PGGT1B: variants seen among roughly 807,000 people sequenced by gnomAD.
PGGT1B encodes the protein protein geranylgeranyltransferase type I subunit beta.
In PGGT1B, 30 loss-of-function variants were observed where a neutral mutation model predicts 46.1. The observed-to-expected ratio is 0.65, with a 90% CI of 0.49 to 0.88. The LOEUF (loss-of-function observed/expected upper bound fraction) is 0.88. PGGT1B is among the 40% of genes least tolerant of loss of function. PGGT1B has a pLI of 0.00. For synonymous variants in PGGT1B, 170 were observed against 160.0 expected, an observed-to-expected ratio of 1.06 and a Z score of -0.47; for missense variants, 376 against 455.9, an observed-to-expected ratio of 0.82 and a Z score of 1.60.
chr5:115,228,611 T>C (rs772308488), intron 6 of PGGT1B, among the ~76,000 whole-genome samples: 1 of 151,936 alleles, frequency 6.6e-6, no homozygotes, highest in Admixed American at 6.6e-5. Context: ...TGGAGGATGA[T>C]GGAGGAAGAT....
chr5:115,220,213 G>C (rs1189713145), intron 7 of PGGT1B, among the ~76,000 whole-genome samples: 2 of 151,800 alleles, frequency 1.3e-5, no homozygotes, highest in East Asian at 3.9e-4. Context: ...ACTATCAACA[G>C]ATAAATGAAG....
intron 2 of PGGT1B, among the ~76,000 whole-genome samples, chr5:115,252,238 T>TA (rs1370254099): frequency 1.3e-5 from 2 of 152,200 alleles, no homozygotes; most frequent in East Asian, 3.9e-4. Context: ...AATCATTTTT[T>TA]AATAAGACTT....
intron 2 of PGGT1B, among the ~76,000 whole-genome samples, chr5:115,243,359 T>C (rs1384096720): frequency 1.3e-5 from 2 of 152,212 alleles, no homozygotes; most frequent in East Asian, 1.9e-4. Flanking sequence ...AGAAACGCTA[T>C]ATTCCTATTA....
At chr5:115,230,836 A>C in intron 6 of PGGT1B, 140 bp downstream of exon 6, 2 of 623,064 alleles carry the variant, frequency 3.2e-6, no homozygotes, top group South Asian at 3.8e-5. Context: ...GTCAAAAGAG[A>C]ATCAGGAAAG....
intron 7 of PGGT1B, among the ~76,000 whole-genome samples, chr5:115,220,616 T>C (rs1756559309): frequency 6.6e-6 from 1 of 151,954 alleles, no homozygotes; most frequent in African/African-American, 2.4e-5. Context: ...ATGTATATTT[T>C]CAACTGTGGA....
At chr5:115,255,989 C>A (rs1748293976) in intron 1 of PGGT1B, among the ~76,000 whole-genome samples, 1 of 152,158 alleles carries the variant, frequency 6.6e-6, no homozygotes, top group Non-Finnish European at 1.5e-5. Flanking sequence ...TCCTACTTCA[C>A]AATCAAATCT....
At chr5:115,233,165 A>G (rs559464205) in intron 5 of PGGT1B, among the ~76,000 whole-genome samples, 62 of 152,134 alleles carry the variant, frequency 4.1e-4, no homozygotes, top group African/African-American at 1.5e-3. Flanking sequence ...TCTACTCCCA[A>G]GAAATAGGCA....
chr5:115,220,845 A>C (rs1216971361), intron 7 of PGGT1B, among the ~76,000 whole-genome samples: 1 of 151,966 alleles, frequency 6.6e-6, no homozygotes, highest in Non-Finnish European at 1.5e-5. Context: ...GAATATAAAA[A>C]ATGATATATG....
At chr5:115,236,188 A>G (rs1170152460) in intron 5 of PGGT1B, among the ~76,000 whole-genome samples, 2 of 152,140 alleles carry the variant, frequency 1.3e-5, no homozygotes. Flanking sequence ...AAATAAAATC[A>G]TATTAAATTT....
In PGGT1B at chr5:115,212,538, T is replaced by G; in HGVS notation, c.998A>C (p.Glu333Ala). ...ATGAACTTTACAAATTCCACTTTCC[T>G]CCATTAGTGACAGGCCACAGATCCC... ...YFGICGLSLM[E>A]ESGICKVHPA... The change falls in exon 9 of 9, where the codon GAG (glutamate) becomes GCG (alanine). Residue 333 changes from glutamate (E) to alanine (A), a missense_variant. Physicochemically the swap from Glu to Ala is moderately radical, Grantham distance 107 (BLOSUM62 -1). Around this residue, in one of 2 missense-constraint regions of PGGT1B, gnomAD observed 222 missense variants for 313.6 expected, o/e 0.71. Transcript: ENST00000419445. 2 of 1,613,408 alleles carry G rather than the reference T, an allele frequency of 1.2e-6. No homozygotes were observed. The highest frequency in any genetic ancestry group is 1.7e-6 in the Non-Finnish European group (2 of 1,179,654).
intron 2 of PGGT1B, among the ~76,000 whole-genome samples, chr5:115,249,896 A>G (rs935118432): frequency 1.3e-5 from 2 of 152,068 alleles, no homozygotes; most frequent in African/African-American, 2.4e-5. Context: ...ATTTTGTAAC[A>G]TTGTTTTGAC....
intron 7 of PGGT1B, among the ~76,000 whole-genome samples, chr5:115,217,718 T>C (rs1460006208): frequency 6.6e-6 from 1 of 151,910 alleles, no homozygotes; most frequent in Non-Finnish European, 1.5e-5. Flanking sequence ...GCATTATTTC[T>C]CAAAAAGAAA....
chr5:115,236,500 T>C lies in PGGT1B; in HGVS notation c.502A>G (p.Ser168Gly), dbSNP rs764772110. 1 of 1,564,634 alleles carries C rather than the reference T, an allele frequency of 6.4e-7. No homozygotes were observed. The highest frequency in any genetic ancestry group is 8.6e-7 in the Non-Finnish European group (1 of 1,160,378). ...TACACAAATCGCATGTCATTTTCACTGCCTTCAGGTACTGCACAAAAACTG... is the reference window on the plus strand; with the variant it reads ...TACACAAATCGCATGTCATTTTCACCGCCTTCAGGTACTGCACAAAAACTG... ...DGSFCAVPEG[S>G]ENDMRFVYCA... Residue 168 changes from serine (S) to glycine (G), a missense_variant, in exon 5 of 9, where the codon AGT becomes GGT. This residue lies in a region of PGGT1B where 222 missense variants were observed against 313.6 expected (regional missense o/e 0.71). Transcript: ENST00000419445.
At chr5:115,235,825 A>G (rs1287378579) in intron 5 of PGGT1B, among the ~76,000 whole-genome samples, 2 of 152,144 alleles carry the variant, frequency 1.3e-5, no homozygotes, top group African/African-American at 4.8e-5. Context: ...TTGCCTATGA[A>G]AAGTTGAATT....
At chr5:115,227,185 G>C (rs1756816211) in intron 6 of PGGT1B, among the ~76,000 whole-genome samples, 1 of 152,068 alleles carries the variant, frequency 6.6e-6, no homozygotes, top group Non-Finnish European at 1.5e-5. Flanking sequence ...TTTTAAAGTG[G>C]GTTATGACAC....
At chr5:115,212,955 A>T (rs1756281717) in intron 8 of PGGT1B, among the ~76,000 whole-genome samples, 1 of 152,156 alleles carries the variant, frequency 6.6e-6, no homozygotes, top group African/African-American at 2.4e-5. Context: ...GAGTAGCTTC[A>T]ATGCTATATC....
At chr5:115,257,932 T>C (rs548127514) in intron 1 of PGGT1B, among the ~76,000 whole-genome samples, 2 of 152,230 alleles carry the variant, frequency 1.3e-5, no homozygotes, top group East Asian at 1.9e-4. Flanking sequence ...GCTGCCATAA[T>C]ACTTCGAAAC....
chr5:115,205,514 T>A lies in PGGT1B; in HGVS notation c.*6888A>T, dbSNP rs1372641431. The A allele has an allele frequency of 6.6e-6, 1 of 152,152 alleles. No individual in the cohort carries two copies. Among genetic ancestry groups the A allele is most frequent in the Non-Finnish European group, 1.5e-5 (1 of 67,994 alleles). The allele number at this position is 152,152 out of a possible 1,614,324, so 9.4% of individuals were successfully genotyped here. The stretch of plus-strand genomic sequence containing the variant: ...TTAAAAAAATGTGGCATAAAAAGAA[T>A]GTTATTTCTGGAGACAGAAAACATG... On this transcript the variant is annotated 3_prime_UTR_variant, in exon 9 of 9. Coordinates refer to ENST00000419445, the MANE Select transcript of PGGT1B (RefSeq NM_005023.4).
intron 2 of PGGT1B, among the ~76,000 whole-genome samples, chr5:115,248,213 T>C (rs73255494): frequency 0.013 from 2,034 of 152,262 alleles, 48 homozygotes; most frequent in African/African-American, 0.046. Flanking sequence ...TATAAGACAG[T>C]CTCTGAGTTC....
Sources: allele counts gnomAD v4.1 joint callset (sites outside exome capture counted in the v4.1 genomes callset), GRCh38; gene constraint gnomAD v4.1.1; regional missense constraint gnomAD v4.1.1; transcripts MANE v1.5; gene names NCBI Gene and HGNC (gene_info 2026-07-23, HGNC 2026-07-21).